MARCHF11: variants seen among roughly 807,000 people sequenced by gnomAD.
MARCHF11 encodes membrane associated ring-CH-type finger 11.
In MARCHF11, 29 loss-of-function variants were observed where a neutral mutation model predicts 37.3. The ratio of observed to expected loss-of-function variants is 0.78; its 90% CI spans 0.58 to 1.06. The LOEUF (loss-of-function observed/expected upper bound fraction) is 1.06, where lower values mean the gene tolerates loss of function less well. Among genes scored for constraint, MARCHF11 ranks in the 50% least tolerant of loss-of-function variants. MARCHF11 has a pLI of 0.00. For synonymous variants in MARCHF11, 233 were observed against 228.0 expected, an observed-to-expected ratio of 1.02 and a Z score of -0.20; for missense variants, 482 against 533.4, an observed-to-expected ratio of 0.90 and a Z score of 0.95.
At chr5:16,099,757 A>G (rs1035005421) in intron 2 of MARCHF11, among the ~76,000 whole-genome samples, 2 of 152,198 alleles carry the variant, frequency 1.3e-5, no homozygotes, top group Non-Finnish European at 2.9e-5. Flanking sequence ...TTGTGTGAAA[A>G]GATCTTTCCT....
chr5:16,142,884 C>CTTTT (rs61225598), intron 2 of MARCHF11, among the ~76,000 whole-genome samples: 2 of 52,212 alleles, frequency 3.8e-5, no homozygotes, highest in Admixed American at 3.6e-4. Context: ...CCACACCTGG[C>CTTTT]TTTTTTTTTT....
At chr5:16,131,303 G>A (rs1737510612) in intron 2 of MARCHF11, among the ~76,000 whole-genome samples, 1 of 152,148 alleles carries the variant, frequency 6.6e-6, no homozygotes, top group East Asian at 1.9e-4. Context: ...TACCTTCTAT[G>A]GAGAAATGGG....
chr5:16,125,382 T>A (rs1272299389), intron 2 of MARCHF11, among the ~76,000 whole-genome samples: 4 of 141,626 alleles, frequency 2.8e-5, no homozygotes, highest in African/African-American at 9.8e-5. Context: ...GTTCAACACA[T>A]CCTATTATCA....
intron 3 of MARCHF11, among the ~76,000 whole-genome samples, chr5:16,090,628 C>T (rs141490736): frequency 1.3e-5 from 2 of 152,172 alleles, no homozygotes; most frequent in South Asian, 2.1e-4. Context: ...TTTATTCAAC[C>T]CTTCCTCCTT....
chr5:16,121,608 TG>T (rs1206677749), intron 2 of MARCHF11, among the ~76,000 whole-genome samples: 1 of 152,144 alleles, frequency 6.6e-6, no homozygotes, highest in African/African-American at 2.4e-5. Context: ...GACATTTGAG[TG>T]GATACCTGAA....
At chr5:16,123,179 G>A (rs1737341043) in intron 2 of MARCHF11, among the ~76,000 whole-genome samples, 1 of 152,166 alleles carries the variant, frequency 6.6e-6, no homozygotes, top group African/African-American at 2.4e-5. Context: ...CTTACATGTT[G>A]AAATCCTAAG....
At chr5:16,166,340 A>G (rs1418530830) in intron 2 of MARCHF11, among the ~76,000 whole-genome samples, 1 of 152,046 alleles carries the variant, frequency 6.6e-6, no homozygotes, top group African/African-American at 2.4e-5. Flanking sequence ...GAACCCCCTC[A>G]ACAGACAAGA....
At chr5:16,146,060 A>C (rs1398117175) in intron 2 of MARCHF11, among the ~76,000 whole-genome samples, 1 of 152,160 alleles carries the variant, frequency 6.6e-6, no homozygotes, top group Non-Finnish European at 1.5e-5. Flanking sequence ...ACCTTAAACC[A>C]AAGCTCATAA....
intron 2 of MARCHF11, among the ~76,000 whole-genome samples, chr5:16,117,661 G>T (rs562502796): frequency 6.6e-6 from 1 of 152,172 alleles, no homozygotes; most frequent in Non-Finnish European, 1.5e-5. Flanking sequence ...GGCCAAGGTG[G>T]GAGGATGGCT....
At chr5:16,145,011 T>G (rs1419910502) in intron 2 of MARCHF11, among the ~76,000 whole-genome samples, 1 of 152,208 alleles carries the variant, frequency 6.6e-6, no homozygotes, top group Non-Finnish European at 1.5e-5. Flanking sequence ...GGATAATGGA[T>G]AGAATTGGGA....
chr5:16,131,634 A>G (rs1477392006), intron 2 of MARCHF11, among the ~76,000 whole-genome samples: 3 of 152,196 alleles, frequency 2.0e-5, no homozygotes, highest in African/African-American at 7.2e-5. Flanking sequence ...GGAATCATAA[A>G]TGAGCCGCTC....
intron 3 of MARCHF11, among the ~76,000 whole-genome samples, chr5:16,089,384 G>C (rs1012685390): frequency 6.6e-6 from 1 of 152,048 alleles, no homozygotes; most frequent in Non-Finnish European, 1.5e-5. Context: ...GATTATATTT[G>C]AATAAAGATT....
intron 3 of MARCHF11, among the ~76,000 whole-genome samples, chr5:16,088,513 C>A (rs1451077427): frequency 6.6e-6 from 1 of 152,158 alleles, no homozygotes; most frequent in Non-Finnish European, 1.5e-5. Context: ...TCAATATAAT[C>A]TTTGTTACTG....
In MARCHF11 at chr5:16,174,032, C is replaced by G. The variant is rs538321626; in HGVS notation, c.693+3694G>C. On this transcript the variant is annotated intron_variant, in intron 2 of 3. Coordinates refer to ENST00000332432, the MANE Select transcript of MARCHF11 (RefSeq NM_001102562.3). ...TATAGAAAGTTTAAAATTTCACATA[C>G]AGTACTTTATCCCATAAATGTTATC... 1.8e-4 allele frequency among the ~76,000 whole-genome samples: 28 copies of G among 152,322 alleles called. No homozygotes were observed. In the East Asian group the frequency reaches 3.9e-3, roughly 21 times the overall value.
Position 16,179,246 on chromosome 5 carries a change from CG to C in MARCHF11, c.329del (p.Pro110ArgfsTer74). 1 of 1,344,068 alleles carries C rather than the reference CG, an allele frequency of 7.4e-7. No individual in the cohort carries two copies. The allele number at this position is 1,344,068 out of a possible 1,614,324, so 83.3% of individuals were successfully genotyped here. On this transcript the variant is annotated frameshift_variant, in exon 1 of 4. Transcript: ENST00000332432. LOFTEE classifies it high-confidence loss of function. ...GDSGEGPRRL[P>X]EAAAAKGGPG... ...GGCCGCCTTTCGCTGCTGCCGCCTC[CG>C]GGAGGCGCCTCGGACCTTCCCCGGA...
chr5:16,101,072 GA>G (rs79164619), intron 2 of MARCHF11, among the ~76,000 whole-genome samples: 2,664 of 142,458 alleles, frequency 0.019, 57 homozygotes, highest in East Asian at 0.089. Flanking sequence ...TATCTCACAG[GA>G]AAAAAAAAAA....
In MARCHF11 at chr5:16,067,294, G is replaced by C; in HGVS notation, c.*177C>G. 1 of 565,340 alleles carries C rather than the reference G, an allele frequency of 1.8e-6. No individual in the cohort carries two copies. Among genetic ancestry groups the C allele is most frequent in the Non-Finnish European group, 3.0e-6 (1 of 331,170 alleles). 35.0% of individuals were successfully genotyped at this position (565,340 alleles called of 1,614,324 possible). On this transcript the variant is annotated 3_prime_UTR_variant, in exon 4 of 4. Transcript: ENST00000332432. ...AAGATGTGACAAACCAGACAACGAA[G>C]AACAAGAGGACTCTTTTTCTCAGAA...
chr5:16,157,344 C>T (rs983504839), intron 2 of MARCHF11, among the ~76,000 whole-genome samples: 1 of 151,766 alleles, frequency 6.6e-6, no homozygotes, highest in South Asian at 2.1e-4. Context: ...AAAAAAAATC[C>T]TAAAATTTGT....
intron 2 of MARCHF11, among the ~76,000 whole-genome samples, chr5:16,155,011 T>C (rs1245342727): frequency 6.6e-6 from 1 of 151,882 alleles, no homozygotes; most frequent in Non-Finnish European, 1.5e-5. Flanking sequence ...GTGATACGCC[T>C]GATGTGTCTG....
Sources: gnomAD v4.1 joint callset for allele counts (sites outside exome capture counted in the v4.1 genomes callset) on GRCh38, gnomAD v4.1.1 for gene constraint, MANE v1.5 for transcripts, NCBI Gene and HGNC (gene_info 2026-07-23, HGNC 2026-07-21) for gene names.